The following PDCD6IP variants were observed in gnomAD, a reference collection of about 807,000 sequenced individuals.
PDCD6IP encodes programmed cell death 6-interacting protein.
PDCD6IP carries 43 observed loss-of-function variants against 103.7 expected under a neutral mutation model. The observed-to-expected ratio is 0.41, with a 90% CI of 0.32 to 0.53. The LOEUF is 0.53. PDCD6IP is among the 20% of genes least tolerant of loss of function. The probability of loss-of-function intolerance (pLI) is 0.16; values close to 1 mark genes in which losing one functional copy is unlikely to be tolerated. For synonymous variants in PDCD6IP, 354 were observed against 378.7 expected (o/e 0.93, Z 0.76); for missense variants, 871 against 1,036.7 (o/e 0.84, Z 2.20).
At chr3:33,864,161 G>A in intron 16 of PDCD6IP, 32 bp downstream of exon 16, 1 of 1,239,344 alleles carries the variant, frequency 8.1e-7, no homozygotes, top group Non-Finnish European at 1.2e-6. Context: ...TTAAACAGAG[G>A]TTTTACATTA....
chr3:33,844,252 T>A (rs772509485), intron 11 of PDCD6IP, 29 bp downstream of exon 11: 1 of 1,257,636 alleles, frequency 8.0e-7, no homozygotes, highest in South Asian at 1.6e-5. Flanking sequence ...GACCTTCATT[T>A]GAATAAATTC....
rs548593331 is a variant in PDCD6IP at position 33,848,694 on chromosome 3, C to T, written c.1641+3106C>T. On this transcript the variant is annotated intron_variant, in intron 12 of 17. Transcript: ENST00000307296. ...CTGGGATTACAGGCGTGAGCTACCG[C>T]GCCCGGCCCATTGAGGGCATTTCTT... Among the ~76,000 whole-genome samples the T allele has an allele frequency of 2.0e-5, 3 of 152,178 alleles. No homozygotes were observed. The South Asian group carries it at 6.2e-4, about 32-fold the overall frequency.
rs1484488191 is a variant in PDCD6IP at position 33,826,583 on chromosome 3, C to T, written c.717+3C>T. On this transcript the variant is annotated splice_donor_region_variant and intron_variant, in intron 6 of 17. Coordinates refer to ENST00000307296, the MANE Select transcript of PDCD6IP (RefSeq NM_013374.6). Reference sequence around the variant, plus strand: ...AATACAAAGATACTCTCCCCAAGGTCAGTTATTGTTTTTATAAACACTTGC... The same window carrying T: ...AATACAAAGATACTCTCCCCAAGGTTAGTTATTGTTTTTATAAACACTTGC... The T allele has an allele frequency of 1.2e-6, 2 of 1,610,738 alleles. No homozygotes were observed. The highest frequency in any genetic ancestry group is 2.7e-5 in the African/African-American group (2 of 74,834).
intron 8 of PDCD6IP, among the ~76,000 whole-genome samples, chr3:33,836,860 AAAAT>A (rs987454911): frequency 3.3e-5 from 5 of 151,692 alleles, no homozygotes; most frequent in South Asian, 2.1e-4. Context: ...TCTTTTCTCA[AAAAT>A]AAATAAATAA....
At chr3:33,843,199 T>C (rs4395352) in intron 10 of PDCD6IP, among the ~76,000 whole-genome samples, 44,501 of 152,066 alleles carry the variant, frequency 0.29, 6,748 homozygotes, top group East Asian at 0.41. Flanking sequence ...ATGTTTTCTT[T>C]TGTAGGGCAG....
chr3:33,857,951 C>G (rs1575944602), intron 15 of PDCD6IP, among the ~76,000 whole-genome samples: 3 of 152,026 alleles, frequency 2.0e-5, no homozygotes, highest in African/African-American at 7.3e-5. Context: ...CCAAGACAAT[C>G]ACATGAGAGA....
Position 33,822,166 on chromosome 3 carries a change from ACTT to A in PDCD6IP, c.462+88_462+90del, listed in dbSNP as rs1380103208. On this transcript the variant is annotated intron_variant, in intron 4 of 17. Transcript: ENST00000307296. ...ATAATTTGCATTTAGGTTTATAGATACTTCTTACGCAACAGATGTTTTCTAAAA... is the reference window on the plus strand; with the variant it reads ...ATAATTTGCATTTAGGTTTATAGATACTTACGCAACAGATGTTTTCTAAAA... 24 of 1,354,598 alleles carry A rather than the reference ACTT, an allele frequency of 1.8e-5. No homozygotes were observed. In the African/African-American group the frequency reaches 2.3e-4, roughly 13 times the overall value. 83.9% of individuals were successfully genotyped at this position (1,354,598 alleles called of 1,614,324 possible).
At chr3:33,831,611 G>T (rs1697246603) in intron 7 of PDCD6IP, among the ~76,000 whole-genome samples, 1 of 152,010 alleles carries the variant, frequency 6.6e-6, no homozygotes, top group Admixed American at 6.6e-5. Flanking sequence ...TGGGAAAATA[G>T]GTATATATAA....
In PDCD6IP at chr3:33,824,019, G is replaced by A. The variant is rs150030158; in HGVS notation, c.463-1168G>A. Reference sequence around the variant, plus strand: ...GCTTGCCACCCAGAAGCTTTGTGCCGTTGGGCAAGTTCTTTAACCTCTCTA... The same window carrying A: ...GCTTGCCACCCAGAAGCTTTGTGCCATTGGGCAAGTTCTTTAACCTCTCTA... On this transcript the variant is annotated intron_variant, in intron 4 of 17. Transcript: ENST00000307296. 2.8e-4 allele frequency among the ~76,000 whole-genome samples: 43 copies of A among 152,164 alleles called. No individual in the cohort carries two copies. In the East Asian group the frequency reaches 7.6e-3, roughly 27 times the overall value.
Position 33,865,303 on chromosome 3 carries a change from C to T in PDCD6IP, c.2305C>T (p.Pro769Ser). Residue 769 changes from proline to serine, a missense_variant, in exon 17 of 18, where the codon CCT (proline) becomes TCT (serine). Around this residue, in one of 5 missense-constraint regions of PDCD6IP, gnomAD observed 202 missense variants for 205.2 expected, o/e 0.98. Coordinates refer to ENST00000307296, the MANE Select transcript of PDCD6IP (RefSeq NM_013374.6). ...PPPVLPANRA[P>S]SATAPSPVGA... ...ACCTGTGCTTCCAGCAAATCGAGCTCCTTCTGCTACTGCTCCATCTCCAGT... is the reference window on the plus strand; with the variant it reads ...ACCTGTGCTTCCAGCAAATCGAGCTTCTTCTGCTACTGCTCCATCTCCAGT... 6.3e-7 allele frequency: 1 copy of T among 1,593,358 alleles called. No individual in the cohort carries two copies. Among genetic ancestry groups the T allele is most frequent in the Non-Finnish European group, 8.5e-7 (1 of 1,170,962 alleles).
intron 7 of PDCD6IP, among the ~76,000 whole-genome samples, chr3:33,831,997 A>G (rs1485475797): frequency 6.6e-6 from 1 of 152,206 alleles, no homozygotes; most frequent in African/African-American, 2.4e-5. Context: ...AATGTTTCCA[A>G]GATTTCACTG....
At chr3:33,831,274 A>C (rs144919831) in intron 7 of PDCD6IP, among the ~76,000 whole-genome samples, 1 of 151,764 alleles carries the variant, frequency 6.6e-6, no homozygotes, top group Non-Finnish European at 1.5e-5. Flanking sequence ...CATGACTCAC[A>C]TAGAATGACT....
At chr3:33,849,435 ATATT>A (rs779636622) in intron 12 of PDCD6IP, among the ~76,000 whole-genome samples, 17 of 152,082 alleles carry the variant, frequency 1.1e-4, no homozygotes, top group Non-Finnish European at 1.9e-4. Context: ...TCCCCTTTGC[ATATT>A]TATTTAATCC....
Position 33,866,655 on chromosome 3 carries a change from C to CT in PDCD6IP, c.*131dup. ...CTGGACTGAATGCAGTGTATAATTT[C>CT]TGTCTACAGCTAGAAGCTGTGCCCC... is the stretch of plus-strand genomic sequence containing the variant. On this transcript the variant is annotated 3_prime_UTR_variant, in exon 18 of 18. Coordinates refer to ENST00000307296, the MANE Select transcript of PDCD6IP (RefSeq NM_013374.6). 2 of 631,664 alleles carry CT rather than the reference C, an allele frequency of 3.2e-6. No homozygotes were observed. The highest frequency in any genetic ancestry group is 4.9e-6 in the Non-Finnish European group (2 of 409,856). 39.1% of individuals were successfully genotyped at this position (631,664 alleles called of 1,614,324 possible).
intron 4 of PDCD6IP, among the ~76,000 whole-genome samples, chr3:33,823,458 C>G (rs1207330744): frequency 1.3e-5 from 2 of 152,168 alleles, no homozygotes; most frequent in African/African-American, 4.8e-5. Context: ...TACGCTATTT[C>G]TTTTTGAGGC....
chr3:33,837,150 CT>C (rs1697368513), intron 8 of PDCD6IP, among the ~76,000 whole-genome samples: 1 of 152,206 alleles, frequency 6.6e-6, no homozygotes, highest in South Asian at 2.1e-4. Flanking sequence ...GAACTCCCGA[CT>C]TCAGGTGATC....
rs1442178848 is a variant in PDCD6IP, at chr3:33,865,411, A to G, written c.2413A>G (p.Thr805Ala). The change falls in exon 17 of 18, where the codon ACC becomes GCC. Residue 805 changes from threonine to alanine, a missense_variant. Transcript: ENST00000307296. ...PPQAQGPPYP[T>A]YPGYPGYCQM... The stretch of plus-strand genomic sequence containing the variant: ...ACAGGCGCAGGGACCACCCTATCCC[A>G]CCTATCCAGGATATCCTGGGTAAGG... The G allele has an allele frequency of 6.3e-7, 1 of 1,593,510 alleles. No individual in the cohort carries two copies. Among genetic ancestry groups the G allele is most frequent in the Non-Finnish European group, 8.5e-7 (1 of 1,171,554 alleles).
At chr3:33,858,538 C>T (rs1219974332) in intron 15 of PDCD6IP, among the ~76,000 whole-genome samples, 3 of 152,064 alleles carry the variant, frequency 2.0e-5, no homozygotes, top group Non-Finnish European at 2.9e-5. Context: ...CGGCCAGGCG[C>T]GGTGGCTCAC....
intron 13 of PDCD6IP, among the ~76,000 whole-genome samples, chr3:33,853,090 AT>A (rs1268822652): frequency 6.6e-6 from 1 of 151,906 alleles, no homozygotes; most frequent in East Asian, 1.9e-4. Flanking sequence ...CGCCTGGCTA[AT>A]TTTTTGTATT....
Sources: gnomAD v4.1 joint callset for allele counts (sites outside exome capture counted in the v4.1 genomes callset) on GRCh38, gnomAD v4.1.1 for gene constraint, gnomAD v4.1.1 regional missense constraint, MANE v1.5 for transcripts, NCBI Gene and HGNC (gene_info 2026-07-23, HGNC 2026-07-21) for gene names.